The following SBF2 variants were observed in gnomAD, a reference collection of about 807,000 sequenced individuals.
SBF2 encodes myotubularin-related protein 13.
A neutral mutation model predicts 225.2 loss-of-function variants in SBF2; 112 were observed. The observed-to-expected ratio is 0.50, with a 90% CI of 0.43 to 0.58. The LOEUF is 0.58. Ranked by LOEUF, SBF2 falls within the 20% of genes least tolerant of loss-of-function variation. The pLI is 0.00. For synonymous variants in SBF2, 763 were observed against 773.3 expected, an observed-to-expected ratio of 0.99 and a Z score of 0.22; for missense variants, 1,996 against 2,206.2, an observed-to-expected ratio of 0.90 and a Z score of 1.91.
rs1042988909 is a variant in SBF2, at chr11:9,868,378, T to C, written c.1930-9982A>G. 5.7e-4 allele frequency among the ~76,000 whole-genome samples: 53 copies of C among 92,478 alleles called. 1 individual carries two copies. Among genetic ancestry groups the C allele is most frequent in the South Asian group, 1.9e-3 (5 of 2,660 alleles). The allele number at this position is 92,478 out of a possible 152,430, so 60.7% of individuals were successfully genotyped here. On this transcript the variant is annotated intron_variant, in intron 17 of 39. Coordinates refer to ENST00000256190, the MANE Select transcript of SBF2 (RefSeq NM_030962.4). The stretch of plus-strand genomic sequence containing the variant: ...AAAAAAAAAAAAAAAATTAGGCGGG[T>C]GTGGTGGCGGGCGCCTGTAGTCCCA...
chr11:10,277,869 C>T (rs552068838), intron 1 of SBF2, among the ~76,000 whole-genome samples: 5 of 152,280 alleles, frequency 3.3e-5, no homozygotes, highest in Admixed American at 1.3e-4. Context: ...CTGAGGCCCT[C>T]CTGTCACCTT....
At chr11:10,272,355 T>C (rs1489044056) in intron 1 of SBF2, 1 of 581,066 alleles carries the variant, frequency 1.7e-6, no homozygotes, top group Non-Finnish European at 2.9e-6. Flanking sequence ...TACTTGCTAG[T>C]TACCAGTTAC....
chr11:10,145,470 T>C (rs1954842112), intron 2 of SBF2, among the ~76,000 whole-genome samples: 1 of 152,164 alleles, frequency 6.6e-6, no homozygotes, highest in Non-Finnish European at 1.5e-5. Context: ...GAAAGAGGTA[T>C]ACATCTTGAT....
At chr11:10,236,152 G>T (rs1959064231) in intron 1 of SBF2, among the ~76,000 whole-genome samples, 1 of 152,104 alleles carries the variant, frequency 6.6e-6, no homozygotes, top group Non-Finnish European at 1.5e-5. Context: ...AAGAATATCT[G>T]AAATAACGTT....
intron 1 of SBF2, among the ~76,000 whole-genome samples, chr11:10,239,249 G>C (rs962805944): frequency 6.6e-6 from 1 of 150,508 alleles, no homozygotes; most frequent in Non-Finnish European, 1.5e-5. Context: ...GCAAGTTTCA[G>C]CAGATTTAAA....
chr11:9,968,368 ATTTCT>A lies in SBF2; in HGVS notation c.1568_1572del (p.Lys523MetfsTer38). The A allele has an allele frequency of 6.2e-7, 1 of 1,614,066 alleles. No homozygotes were observed. Among genetic ancestry groups the A allele is most frequent in the Non-Finnish European group, 8.5e-7 (1 of 1,179,996 alleles). Reference sequence around the variant, plus strand: ...ACAGGTGGACCTGCTGGCACAACACATTTCTTTTCTATTCGTGTGGCAGGAGGTGC... The same window carrying A: ...ACAGGTGGACCTGCTGGCACAACACATTTCTATTCGTGTGGCAGGAGGTGC... On this transcript the variant is annotated frameshift_variant, in exon 14 of 40. Transcript: ENST00000256190. LOFTEE classifies it high-confidence loss of function.
intron 2 of SBF2, among the ~76,000 whole-genome samples, chr11:10,103,730 A>C (rs1057031150): frequency 6.6e-6 from 1 of 152,184 alleles, no homozygotes; most frequent in East Asian, 1.9e-4. Flanking sequence ...TCTCATGGAG[A>C]GCTGATATGT....
chr11:9,938,839 TA>T lies in SBF2; in HGVS notation c.1860+23117del, dbSNP rs1049722986. ...AACAGACTGAAAATATAGAGGTTAT[TA>T]AAAAAAAGGCTAGCCAAAATGAGCA... On this transcript the variant is annotated intron_variant, in intron 16 of 39. Coordinates refer to ENST00000256190, the MANE Select transcript of SBF2 (RefSeq NM_030962.4). Among the ~76,000 whole-genome samples, 8 of 151,630 alleles carry T rather than the reference TA, an allele frequency of 5.3e-5. No individual in the cohort carries two copies. The East Asian group carries it at 1.4e-3, about 26-fold the overall frequency.
chr11:9,983,275 G>T (rs961221841), intron 13 of SBF2, among the ~76,000 whole-genome samples: 15 of 152,170 alleles, frequency 9.9e-5, no homozygotes, highest in African/African-American at 3.6e-4. Context: ...TTCTGTTTGC[G>T]TGGGAGCTGG....
intron 2 of SBF2, among the ~76,000 whole-genome samples, chr11:10,043,543 T>C (rs1452277756): frequency 6.6e-6 from 1 of 151,918 alleles, no homozygotes; most frequent in Non-Finnish European, 1.5e-5. Flanking sequence ...GGCAGATAGC[T>C]GGAAAATCCA....
intron 17 of SBF2, among the ~76,000 whole-genome samples, chr11:9,861,926 A>C (rs958704643): frequency 2.6e-5 from 4 of 152,182 alleles, no homozygotes; most frequent in African/African-American, 9.7e-5. Flanking sequence ...TGTTCCAAGG[A>C]AGAAAAACGG....
intron 32 of SBF2, among the ~76,000 whole-genome samples, chr11:9,807,514 G>A (rs1225221414): frequency 3.3e-5 from 5 of 152,178 alleles, no homozygotes; most frequent in South Asian, 2.1e-4. Flanking sequence ...TGGTATATAT[G>A]TACCACAGTT....
chr11:9,829,282 G>A, intron 28 of SBF2, 74 bp downstream of exon 28: 2 of 1,506,788 alleles, frequency 1.3e-6, no homozygotes, highest in South Asian at 1.1e-5. Context: ...ACAAATAACA[G>A]TACAAATAAC....
At chr11:10,063,331 T>A (rs796852125) in intron 2 of SBF2, among the ~76,000 whole-genome samples, 44 of 116,412 alleles carry the variant, frequency 3.8e-4, no homozygotes, top group South Asian at 1.6e-3. Flanking sequence ...AAAAAAAATA[T>A]ATATATATAT....
At chr11:9,829,236 C>T in intron 28 of SBF2, 120 bp downstream of exon 28, 1 of 1,193,070 alleles carries the variant, frequency 8.4e-7, no homozygotes, top group South Asian at 1.2e-5. Flanking sequence ...CAGGGTAAAA[C>T]TTTTAAGAAG....
At chr11:10,085,767 C>T (rs939094003) in intron 2 of SBF2, among the ~76,000 whole-genome samples, 4 of 151,840 alleles carry the variant, frequency 2.6e-5, no homozygotes, top group East Asian at 3.9e-4. Context: ...TGTTTTTCTG[C>T]GGTTGTTTTC....
At position 9,780,174 on chromosome 11, in the gene SBF2, A is replaced by G. The variant is rs537963012; in HGVS notation, c.*244T>C. On this transcript the variant is annotated 3_prime_UTR_variant, in exon 40 of 40. Coordinates refer to ENST00000256190, the MANE Select transcript of SBF2 (RefSeq NM_030962.4). ...AGGAGACATCTTCTGATCATTAACC[A>G]CTAAGACCCTGTTAGAAAAATTTAG... The G allele has an allele frequency of 5.8e-6, 3 of 519,406 alleles. No homozygotes were observed. The Admixed American group carries it at 8.8e-5, about 15-fold the overall frequency. 32.2% of individuals were successfully genotyped at this position (519,406 alleles called of 1,614,324 possible). A position where few individuals can be genotyped will look rare whatever the true frequency, so the allele number is the denominator to read the frequency against.
intron 28 of SBF2, among the ~76,000 whole-genome samples, chr11:9,819,964 G>C (rs1854659352): frequency 1.3e-5 from 2 of 152,142 alleles, no homozygotes; most frequent in African/African-American, 4.8e-5. Flanking sequence ...AATACAGCTT[G>C]TGATGACTGA....
chr11:9,930,015 T>A (rs1243848069), intron 16 of SBF2, among the ~76,000 whole-genome samples: 2 of 151,964 alleles, frequency 1.3e-5, no homozygotes, highest in Non-Finnish European at 2.9e-5. Flanking sequence ...TGGGAGAGCA[T>A]TACGGAAAAG....
Sources: allele counts gnomAD v4.1 joint callset (sites outside exome capture counted in the v4.1 genomes callset), GRCh38; gene constraint gnomAD v4.1.1; transcripts MANE v1.5; gene names NCBI Gene and HGNC (gene_info 2026-07-23, HGNC 2026-07-21).